The following ADGRL3 variants were observed in gnomAD, a reference collection of about 807,000 sequenced individuals.
The protein encoded by ADGRL3 is calcium-independent alpha-latrotoxin receptor 3.
A neutral mutation model predicts 153.5 loss-of-function variants in ADGRL3; 62 were observed. The observed-to-expected ratio is 0.40, with a 90% CI of 0.33 to 0.50. The LOEUF is 0.50. ADGRL3 is among the 20% of genes least tolerant of loss of function. The probability of loss-of-function intolerance (pLI) is 0.47; values close to 1 mark genes in which losing one functional copy is unlikely to be tolerated. For synonymous variants in ADGRL3, 710 were observed against 672.5 expected, an observed-to-expected ratio of 1.06 and a Z score of -0.86; for missense variants, 1,641 against 1,859.4, an observed-to-expected ratio of 0.88 and a Z score of 2.16.
Position 62,044,527 on chromosome 4 carries a change from C to G in ADGRL3, c.3792C>G (p.Asn1264Lys), listed in dbSNP as rs1384945585. ...CTTCCTTTATTACTGGAGACATAAA[C>G]AGTTCAGCGTCACTCAACAGAGGTA... ...SESSFITGDI[N>K]SSASLNREPY... Residue 1264 changes from asparagine (N) to lysine (K), a missense_variant, in exon 25 of 27, where the codon AAC becomes AAG. Physicochemically the swap from Asn to Lys is moderately conservative, Grantham distance 94. Around this residue, in one of 5 missense-constraint regions of ADGRL3, gnomAD observed 517 missense variants for 555.0 expected, o/e 0.93. Transcript: ENST00000683033. 1 of 1,592,056 alleles carries G rather than the reference C, an allele frequency of 6.3e-7. No homozygotes were observed. The highest frequency in any genetic ancestry group is 8.6e-7 in the Non-Finnish European group (1 of 1,168,022).
chr4:61,298,758 C>T (rs1025393672), intron 1 of ADGRL3, among the ~76,000 whole-genome samples: 6 of 152,004 alleles, frequency 3.9e-5, no homozygotes, highest in Non-Finnish European at 5.9e-5. Context: ...TCCCATTGTA[C>T]GTTTTGACAG....
chr4:61,773,846 A>T (rs2097113871), intron 8 of ADGRL3, among the ~76,000 whole-genome samples: 1 of 152,160 alleles, frequency 6.6e-6, no homozygotes, highest in East Asian at 1.9e-4. Context: ...TAAACAAAAA[A>T]ACAACAGATT....
chr4:61,919,804 G>A (rs954704612), intron 13 of ADGRL3, among the ~76,000 whole-genome samples: 19 of 152,176 alleles, frequency 1.2e-4, no homozygotes, highest in African/African-American at 4.6e-4. Context: ...CCTGGCGAAT[G>A]TGTCAGGTTA....
At chr4:61,877,086 T>G (rs2098480396) in intron 9 of ADGRL3, among the ~76,000 whole-genome samples, 1 of 152,096 alleles carries the variant, frequency 6.6e-6, no homozygotes, top group African/African-American at 2.4e-5. Flanking sequence ...ACAACAAGTT[T>G]GAGGATTCTG....
chr4:61,831,247 C>A (rs1039762134), intron 9 of ADGRL3, among the ~76,000 whole-genome samples: 79 of 151,912 alleles, frequency 5.2e-4, no homozygotes, highest in African/African-American at 1.8e-3. Context: ...TGACAACTTT[C>A]ATAGTATCAT....
At chr4:61,434,946 G>A (rs907149552) in intron 2 of ADGRL3, among the ~76,000 whole-genome samples, 36 of 152,068 alleles carry the variant, frequency 2.4e-4, no homozygotes, top group African/African-American at 8.7e-4. Context: ...GATTTGTATG[G>A]CAGGATGGCC....
intron 5 of ADGRL3, among the ~76,000 whole-genome samples, chr4:61,595,908 G>T (rs1021785722): frequency 6.6e-6 from 1 of 152,126 alleles, no homozygotes; most frequent in Non-Finnish European, 1.5e-5. Context: ...GCTGAGCCCA[G>T]CATGGTTTAA....
chr4:61,833,911 G>T (rs1457038538), intron 9 of ADGRL3, among the ~76,000 whole-genome samples: 1 of 151,512 alleles, frequency 6.6e-6, no homozygotes, highest in Non-Finnish European at 1.5e-5. Flanking sequence ...AGTTGATTAG[G>T]TCAGATCCCT....
intron 2 of ADGRL3, among the ~76,000 whole-genome samples, chr4:61,412,269 A>T (rs11131326): frequency 2.6e-4 from 39 of 152,136 alleles, no homozygotes; most frequent in South Asian, 6.2e-4. Context: ...AATTTTTTTC[A>T]TAGGGACAGG....
chr4:61,854,948 C>T (rs1035657941), intron 9 of ADGRL3, among the ~76,000 whole-genome samples: 3 of 152,072 alleles, frequency 2.0e-5, no homozygotes, highest in Admixed American at 2.0e-4. Flanking sequence ...GGACTTTCTG[C>T]CAAATAGCTG....
At chr4:61,575,693 A>C (rs1433524571) in intron 4 of ADGRL3, among the ~76,000 whole-genome samples, 2 of 152,026 alleles carry the variant, frequency 1.3e-5, no homozygotes, top group Admixed American at 1.3e-4. Context: ...TGAAGGGTTG[A>C]TATTTATCAG....
chr4:61,318,201 A>AC (rs1174925092), intron 1 of ADGRL3, among the ~76,000 whole-genome samples: 1 of 116,028 alleles, frequency 8.6e-6, no homozygotes, highest in Non-Finnish European at 1.8e-5. Context: ...CTCAAAAAAA[A>AC]AAAAAAAAAA....
chr4:61,662,426 G>A (rs972401007), intron 5 of ADGRL3, among the ~76,000 whole-genome samples: 3 of 152,210 alleles, frequency 2.0e-5, no homozygotes, highest in African/African-American at 4.8e-5. Context: ...AAGCCTGAGC[G>A]CTGTTGCAAC....
At chr4:61,779,187 T>A (rs2097186007) in intron 8 of ADGRL3, among the ~76,000 whole-genome samples, 1 of 152,090 alleles carries the variant, frequency 6.6e-6, no homozygotes, top group South Asian at 2.1e-4. Flanking sequence ...ATTAGAAGTG[T>A]CCTATCATAT....
chr4:61,896,108 G>A (rs1470723), intron 11 of ADGRL3, among the ~76,000 whole-genome samples: 75,143 of 151,916 alleles, frequency 0.49, 18,774 homozygotes, highest in East Asian at 0.55. Flanking sequence ...AGTCCAAGAG[G>A]CATTATACAT....
intron 4 of ADGRL3, among the ~76,000 whole-genome samples, chr4:61,582,155 G>A (rs1310853612): frequency 1.3e-5 from 2 of 151,902 alleles, no homozygotes; most frequent in African/African-American, 2.4e-5. Flanking sequence ...ATGGAGATTA[G>A]GCTGTAGCTC....
chr4:61,228,997 T>C (rs1293729374), intron 1 of ADGRL3, among the ~76,000 whole-genome samples: 1 of 152,178 alleles, frequency 6.6e-6, no homozygotes, highest in Non-Finnish European at 1.5e-5. Context: ...TGGCCTCTTA[T>C]TTATCTTTGT....
In ADGRL3 at chr4:61,200,492, T is replaced by C. The variant is rs986209229; in HGVS notation, c.-1513T>C. On this transcript the variant is annotated 5_prime_UTR_variant, in exon 1 of 27. Coordinates refer to ENST00000683033, the MANE Select transcript of ADGRL3 (RefSeq NM_001387552.1). ...GCGGGGATGCAGATGCTGCAGCTGG[T>C]CGGGGTGGGCGCCGCCGCCGCCGCC... is the stretch of plus-strand genomic sequence containing the variant. Among the ~76,000 whole-genome samples the C allele has an allele frequency of 6.2e-5, 9 of 145,644 alleles. No individual in the cohort carries two copies. The highest frequency in any genetic ancestry group is 1.9e-4 in the African/African-American group (7 of 36,718).
chr4:61,763,770 A>C (rs956400154), intron 8 of ADGRL3, among the ~76,000 whole-genome samples: 1 of 152,196 alleles, frequency 6.6e-6, no homozygotes, highest in African/African-American at 2.4e-5. Context: ...ATAATTTAGC[A>C]TAATTCTAAG....
Sources: allele counts gnomAD v4.1 joint callset (sites outside exome capture counted in the v4.1 genomes callset), GRCh38; gene constraint gnomAD v4.1.1; regional missense constraint gnomAD v4.1.1; transcripts MANE v1.5; gene names NCBI Gene and HGNC (gene_info 2026-07-23, HGNC 2026-07-21).